BASP1: variants seen among roughly 807,000 people sequenced by gnomAD.
BASP1 encodes brain acid soluble protein 1.
Under a neutral mutation model 2.2 loss-of-function variants are expected in BASP1, and 1 was observed. The ratio of observed to expected loss-of-function variants is 0.46; its 90% confidence interval spans 0.16 to 2.17. BASP1 has a LOEUF of 2.17. BASP1 is among the 30% of genes most tolerant of loss of function. BASP1 has a pLI of 0.27. For synonymous variants in BASP1, 187 were observed against 154.2 expected (o/e 1.21, Z -1.58); for missense variants, 352 against 327.2 (o/e 1.08, Z -0.58).
At chr5:17,245,070 G>A (rs1480679959) in intron 1 of BASP1, among the ~76,000 whole-genome samples, 4 of 151,438 alleles carry the variant, frequency 2.6e-5, no homozygotes, top group Non-Finnish European at 4.4e-5. Context: ...TTGGGAGGCC[G>A]AGGTGGGTAG....
At chr5:17,254,408 A>G (rs1262558806) in intron 1 of BASP1, among the ~76,000 whole-genome samples, 1 of 152,226 alleles carries the variant, frequency 6.6e-6, no homozygotes, top group Non-Finnish European at 1.5e-5. Context: ...AGGATCACCT[A>G]TCACAATCAA....
At chr5:17,221,565 A>G (rs1463098809) in intron 1 of BASP1, among the ~76,000 whole-genome samples, 1 of 152,154 alleles carries the variant, frequency 6.6e-6, no homozygotes, top group Non-Finnish European at 1.5e-5. Context: ...CCTGGAAACC[A>G]GGTAACTGCT....
chr5:17,225,768 C>T (rs1024308469), intron 1 of BASP1, among the ~76,000 whole-genome samples: 2 of 152,200 alleles, frequency 1.3e-5, no homozygotes, highest in African/African-American at 2.4e-5. Context: ...GCTTTTATGC[C>T]GATTTCTAGC....
At chr5:17,261,721 T>G (rs549074157) in intron 1 of BASP1, among the ~76,000 whole-genome samples, 2 of 152,356 alleles carry the variant, frequency 1.3e-5, no homozygotes, top group South Asian at 4.1e-4. Context: ...CCCTCAACTT[T>G]CCACTTTAGT....
In BASP1 at chr5:17,260,734, C is replaced by T. The variant is rs1030301442; in HGVS notation, c.-9-14474C>T. On this transcript the variant is annotated intron_variant, in intron 1 of 1. Coordinates refer to ENST00000322611, the MANE Select transcript of BASP1 (RefSeq NM_006317.5). This position sits in a 1 kb window ranked among gnomAD's most constrained non-coding sequence, Gnocchi z 4.2. Reference sequence around the variant, plus strand: ...ATGTTTATCTAGTACCCATTGTGCACGAACAACCACAAAGCAAAATCTTTG... The same window carrying T: ...ATGTTTATCTAGTACCCATTGTGCATGAACAACCACAAAGCAAAATCTTTG... Among the ~76,000 whole-genome samples the T allele has an allele frequency of 3.9e-5, 6 of 152,188 alleles. No individual in the cohort carries two copies. The East Asian group carries it at 5.8e-4, about 15-fold the overall frequency.
chr5:17,227,102 C>T (rs4580778), intron 1 of BASP1, among the ~76,000 whole-genome samples: 9,674 of 146,218 alleles, frequency 0.066, 539 homozygotes, highest in African/African-American at 0.14. Context: ...CTAATTTTTT[C>T]GTATTTTTAG....
At chr5:17,262,754 A>T (rs1740340549) in intron 1 of BASP1, among the ~76,000 whole-genome samples, 1 of 151,592 alleles carries the variant, frequency 6.6e-6, no homozygotes, top group South Asian at 2.1e-4. Context: ...TTGTCTTCAT[A>T]TGTCTTCTCC....
chr5:17,261,416 AC>A (rs1740313732), intron 1 of BASP1, among the ~76,000 whole-genome samples: 2 of 152,266 alleles, frequency 1.3e-5, no homozygotes, highest in African/African-American at 4.8e-5. Flanking sequence ...ATACGAGAGT[AC>A]TATGAAGGTA....
chr5:17,229,104 G>C (rs1739572684), intron 1 of BASP1, among the ~76,000 whole-genome samples: 3 of 152,166 alleles, frequency 2.0e-5, no homozygotes, highest in Non-Finnish European at 4.4e-5. Context: ...AGTTTACCAG[G>C]TAGAGAAAGC....
intron 1 of BASP1, among the ~76,000 whole-genome samples, chr5:17,246,004 G>GA (rs1342342154): frequency 2.6e-5 from 4 of 151,904 alleles, no homozygotes; most frequent in South Asian, 2.1e-4. Context: ...CCAGGAAAAA[G>GA]AAAAAAACAC....
intron 1 of BASP1, among the ~76,000 whole-genome samples, chr5:17,248,081 T>C (rs1740030124): frequency 6.6e-6 from 1 of 152,218 alleles, no homozygotes; most frequent in Non-Finnish European, 1.5e-5. Context: ...AGATCTGGGA[T>C]AGTGGGCAGA....
intron 1 of BASP1, among the ~76,000 whole-genome samples, chr5:17,248,515 CCAATTGGA>C (rs879800401): frequency 1.3e-5 from 2 of 152,052 alleles, no homozygotes; most frequent in Non-Finnish European, 2.9e-5. Context: ...TGTTTCAGCC[CCAATTGGA>C]CATGACTCTC....
At position 17,276,347 on chromosome 5, in the gene BASP1, A is replaced by G. The variant is rs2126525285; in HGVS notation, c.*447A>G. On this transcript the variant is annotated 3_prime_UTR_variant, in exon 2 of 2. Coordinates refer to ENST00000322611, the MANE Select transcript of BASP1 (RefSeq NM_006317.5). Reference sequence around the variant, plus strand: ...TGCCCACAGGGCCTGTGCCAAGGCAATCAGATCTTTATGAGAGCAGTATTT... The same window carrying G: ...TGCCCACAGGGCCTGTGCCAAGGCAGTCAGATCTTTATGAGAGCAGTATTT... 1 of 169,388 alleles carries G rather than the reference A, an allele frequency of 5.9e-6. No homozygotes were observed. The highest frequency in any genetic ancestry group is 1.9e-4 in the East Asian group (1 of 5,278). The allele number at this position is 169,388 out of a possible 1,614,324, so 10.5% of individuals were successfully genotyped here. A position where few individuals can be genotyped will look rare whatever the true frequency, so the allele number is the denominator to read the frequency against.
Position 17,276,633 on chromosome 5 carries a change from GAAAAAAAA to G in BASP1, c.*745_*752del, listed in dbSNP as rs55917297. 9.6e-6 allele frequency: 1 copy of G among 104,660 alleles called. No individual in the cohort carries two copies. Among genetic ancestry groups the G allele is most frequent in the Non-Finnish European group, 1.8e-5 (1 of 55,652 alleles). The allele number at this position is 104,660 out of a possible 1,614,324, so 6.5% of individuals were successfully genotyped here. A position where few individuals can be genotyped will look rare whatever the true frequency, so the allele number is the denominator to read the frequency against. On this transcript the variant is annotated 3_prime_UTR_variant, in exon 2 of 2. Coordinates refer to ENST00000322611, the MANE Select transcript of BASP1 (RefSeq NM_006317.5). Reference sequence around the variant, plus strand: ...GTTCTGTTTATTGGTCAGTGGAAATGAAAAAAAAAAAAAAAAAAAGTCTGCGTTCATTG... The same window carrying G: ...GTTCTGTTTATTGGTCAGTGGAAATGAAAAAAAAAAAGTCTGCGTTCATTG...
chr5:17,275,438 C>T lies in BASP1; in HGVS notation c.222C>T (p.Asp74=), dbSNP rs1296969629. 2 of 1,528,000 alleles carry T rather than the reference C, an allele frequency of 1.3e-6. No individual in the cohort carries two copies. The highest frequency in any genetic ancestry group is 1.8e-6 in the Non-Finnish European group (2 of 1,139,130). The allele number at this position is 1,528,000 out of a possible 1,614,324, so 94.7% of individuals were successfully genotyped here. ...GKAEEKEGEK[D]AAAAKEEAPK... is the part of the protein sequence containing the mutation. ...CCGAGGAGAAGGAGGGCGAGAAGGA[C>T]GCGGCGGCTGCCAAGGAGGAGGCCC... The change falls in exon 2 of 2, where the codon GAC becomes GAT. Residue 74 remains aspartate, a synonymous_variant. Transcript: ENST00000322611. This position sits in a 1 kb window ranked among gnomAD's most constrained non-coding sequence, Gnocchi z 5.3.
intron 1 of BASP1, among the ~76,000 whole-genome samples, chr5:17,259,356 A>G (rs958635636): frequency 1.3e-5 from 2 of 152,182 alleles, no homozygotes; most frequent in African/African-American, 4.8e-5. Context: ...TGGGAGTTAC[A>G]ATTCAAGATG....
At chr5:17,266,676 G>A (rs1561176694) in intron 1 of BASP1, among the ~76,000 whole-genome samples, 1 of 152,072 alleles carries the variant, frequency 6.6e-6, no homozygotes, top group Non-Finnish European at 1.5e-5. Flanking sequence ...TTAGCCAGGT[G>A]TGGTGGTGCA....
intron 1 of BASP1, among the ~76,000 whole-genome samples, chr5:17,222,225 T>C (rs1162510976): frequency 6.6e-6 from 1 of 152,156 alleles, no homozygotes; most frequent in Non-Finnish European, 1.5e-5. Flanking sequence ...TGTTTGTAGA[T>C]ATTTGAAATT....
In BASP1 at chr5:17,272,640, G is replaced by A. The variant is rs138473011; in HGVS notation, c.-9-2568G>A. Among the ~76,000 whole-genome samples the A allele has an allele frequency of 1.5e-3, 229 of 152,194 alleles. 2 individuals carry two copies. The East Asian group carries it at 0.026, about 17-fold the overall frequency. On this transcript the variant is annotated intron_variant, in intron 1 of 1. Coordinates refer to ENST00000322611, the MANE Select transcript of BASP1 (RefSeq NM_006317.5). The stretch of plus-strand genomic sequence containing the variant: ...GAGGGTTCAGGTGGGTCCTATGAGC[G>A]TCCCTCTGATACCTCAATATAACCA...
Sources: allele counts gnomAD v4.1 joint callset (sites outside exome capture counted in the v4.1 genomes callset), GRCh38; gene constraint gnomAD v4.1.1; non-coding constraint Gnocchi (gnomAD v3.1); transcripts MANE v1.5; gene names NCBI Gene and HGNC (gene_info 2026-07-23, HGNC 2026-07-21).